The following THSD4 variants were observed in gnomAD, a reference collection of about 807,000 sequenced individuals.
The protein encoded by THSD4 is thrombospondin type 1 domain containing 4.
Under a neutral mutation model 119.0 loss-of-function variants are expected in THSD4, and 69 were observed. That is an observed-to-expected ratio of 0.58 (90% confidence interval 0.48 to 0.71). The LOEUF (loss-of-function observed/expected upper bound fraction) is 0.71. Among genes scored for constraint, THSD4 ranks in the 30% least tolerant of loss-of-function variants. The pLI is 0.00. For synonymous variants in THSD4, 524 were observed against 540.4 expected (o/e 0.97, Z 0.42); for missense variants, 1,393 against 1,391.1 (o/e 1.00, Z -0.02).
At chr15:71,370,861 C>T (rs999207580) in intron 6 of THSD4, among the ~76,000 whole-genome samples, 2 of 152,160 alleles carry the variant, frequency 1.3e-5, no homozygotes, top group Non-Finnish European at 2.9e-5. Flanking sequence ...GTCGATCTGT[C>T]TGATGTTGAC....
Position 71,497,705 on chromosome 15 carries a change from C to T in THSD4, c.1152+85882C>T, listed in dbSNP as rs114399614. 8.0e-3 allele frequency among the ~76,000 whole-genome samples: 1,220 copies of T among 152,214 alleles called. 21 individuals are homozygous for T. The highest frequency in any genetic ancestry group is 0.028 in the African/African-American group (1,157 of 41,530). On this transcript the variant is annotated intron_variant, in intron 7 of 17. Transcript: ENST00000261862. ...GGAAAAGCATTACTTGCCAAGCTAG[C>T]GTCACCGTGTTGTATAGGTCCCCAG...
chr15:71,202,280 C>T (rs1214608835), intron 3 of THSD4, among the ~76,000 whole-genome samples: 2 of 152,144 alleles, frequency 1.3e-5, no homozygotes, highest in Non-Finnish European at 1.5e-5. Context: ...TTACCTTTCT[C>T]TCTGTAGAAC....
At chr15:71,719,486 C>T (rs79474377) in intron 8 of THSD4, among the ~76,000 whole-genome samples, 3,303 of 152,238 alleles carry the variant, frequency 0.022, 59 homozygotes, top group Non-Finnish European at 0.033. Flanking sequence ...AATGCATTAC[C>T]GCATGTGTTT....
chr15:71,550,280 G>T (rs1403862202), intron 7 of THSD4, among the ~76,000 whole-genome samples: 2 of 152,164 alleles, frequency 1.3e-5, no homozygotes. Flanking sequence ...TGGGAGGCTT[G>T]CATTTTCTTT....
intron 3 of THSD4, among the ~76,000 whole-genome samples, chr15:71,184,622 G>C (rs1285296489): frequency 2.6e-5 from 4 of 151,750 alleles, no homozygotes; most frequent in African/African-American, 9.7e-5. Flanking sequence ...TAGAAGCATG[G>C]ATTTAAACCC....
intron 7 of THSD4, among the ~76,000 whole-genome samples, chr15:71,520,074 A>G (rs1183157563): frequency 6.6e-6 from 1 of 152,204 alleles, no homozygotes; most frequent in Non-Finnish European, 1.5e-5. Flanking sequence ...TCCTCTTGGT[A>G]ATCCTAAACT....
chr15:71,230,136 A>G (rs900269179), intron 4 of THSD4, among the ~76,000 whole-genome samples: 1 of 152,090 alleles, frequency 6.6e-6, no homozygotes, highest in African/African-American at 2.4e-5. Flanking sequence ...AGTCCCTGGG[A>G]GAGAGGGGAT....
At chr15:71,412,119 CCTT>C (rs2046698013) in intron 7 of THSD4, among the ~76,000 whole-genome samples, 1 of 152,168 alleles carries the variant, frequency 6.6e-6, no homozygotes, top group Admixed American at 6.5e-5. Flanking sequence ...ATCTGGAGCT[CCTT>C]CTTTGCCTGT....
At chr15:71,248,874 A>G (rs1284827546) in intron 5 of THSD4, among the ~76,000 whole-genome samples, 4 of 152,212 alleles carry the variant, frequency 2.6e-5, no homozygotes, top group African/African-American at 9.6e-5. Context: ...TGGGCCAGGT[A>G]AGAATCGAGT....
At chr15:71,118,012 T>A (rs992333631) in intron 1 of THSD4, among the ~76,000 whole-genome samples, 3 of 152,032 alleles carry the variant, frequency 2.0e-5, no homozygotes, top group African/African-American at 7.2e-5. Flanking sequence ...GAGATGCGAA[T>A]GAGGGAGAAA....
chr15:71,581,451 G>T (rs139686142), intron 7 of THSD4, among the ~76,000 whole-genome samples: 1 of 152,072 alleles, frequency 6.6e-6, no homozygotes, highest in Non-Finnish European at 1.5e-5. Flanking sequence ...CAGGATATAT[G>T]TTTTGCAAAT....
At chr15:71,456,068 A>G (rs1022156517) in intron 7 of THSD4, among the ~76,000 whole-genome samples, 1 of 152,212 alleles carries the variant, frequency 6.6e-6, no homozygotes, top group Admixed American at 6.5e-5. Flanking sequence ...ATCCCCTCTT[A>G]CGAATGGCAA....
intron 6 of THSD4, among the ~76,000 whole-genome samples, chr15:71,391,345 T>G (rs534680012): frequency 3.9e-5 from 6 of 152,220 alleles, no homozygotes; most frequent in Admixed American, 3.3e-4. Flanking sequence ...GCCGGCTAAT[T>G]TTAAAATTCT....
chr15:71,776,287 A>C (rs2140257270), intron 17 of THSD4, among the ~76,000 whole-genome samples: 1 of 152,356 alleles, frequency 6.6e-6, no homozygotes, highest in East Asian at 1.9e-4. Context: ...TGATCAGAAA[A>C]GCCACAGGCT....
intron 7 of THSD4, among the ~76,000 whole-genome samples, chr15:71,478,072 A>C (rs1004381407): frequency 6.6e-6 from 1 of 152,226 alleles, no homozygotes; most frequent in Admixed American, 6.5e-5. Flanking sequence ...GATGTTGCTC[A>C]TTACATTCCA....
intron 4 of THSD4, among the ~76,000 whole-genome samples, chr15:71,215,875 C>T (rs1394205526): frequency 6.6e-6 from 1 of 152,212 alleles, no homozygotes; most frequent in East Asian, 1.9e-4. Flanking sequence ...CTGTAGGCTT[C>T]CAGATTCTGT....
At chr15:71,113,050 G>A (rs1204795223), upstream of THSD4, among the ~76,000 whole-genome samples, 1 of 152,128 alleles carries the variant, frequency 6.6e-6, no homozygotes, top group East Asian at 1.9e-4. Flanking sequence ...TTAGTCAAAT[G>A]TGGTGGCGCA....
intron 7 of THSD4, among the ~76,000 whole-genome samples, chr15:71,641,412 T>C (rs1406983843): frequency 6.6e-6 from 1 of 152,020 alleles, no homozygotes; most frequent in Non-Finnish European, 1.5e-5. Flanking sequence ...CCCAGGTCTT[T>C]ACACCATTGT....
intron 6 of THSD4, among the ~76,000 whole-genome samples, chr15:71,393,578 G>A (rs1451098013): frequency 1.3e-5 from 2 of 152,182 alleles, no homozygotes; most frequent in Non-Finnish European, 2.9e-5. Context: ...TGCGTGAGCA[G>A]ATGGCTCCTA....
Sources: gnomAD v4.1 joint callset for allele counts (sites outside exome capture counted in the v4.1 genomes callset) on GRCh38, gnomAD v4.1.1 for gene constraint, MANE v1.5 for transcripts, NCBI Gene and HGNC (gene_info 2026-07-23, HGNC 2026-07-21) for gene names.